Variants in TMED5 observed in about 807,000 individuals in gnomAD.
TMED5 encodes the protein transmembrane emp24 domain-containing protein 5.
TMED5 carries 27 observed loss-of-function variants against 23.0 expected under a neutral mutation model. That is an observed-to-expected ratio of 1.17 (90% confidence interval 0.86 to 1.62). The LOEUF is 1.62. Ranked by LOEUF, TMED5 falls within the 40% of genes most tolerant of loss-of-function variation. The probability of loss-of-function intolerance (pLI) is 0.00; values close to 1 mark genes in which losing one functional copy is unlikely to be tolerated. For missense variants in TMED5, 248 were observed against 273.7 expected (o/e 0.91, Z 0.66); for synonymous variants, 97 against 100.8 (o/e 0.96, Z 0.23).
chr1:93,154,904 A>ATAATT lies in TMED5; in HGVS notation c.472-21_472-17dup. The stretch of plus-strand genomic sequence containing the variant: ...TGATGGATTCCTGGAGATAAATAAA[A>ATAATT]TAATTTTATTATTAAAGAATGCTCA... On this transcript the variant is annotated splice_polypyrimidine_tract_variant and intron_variant, in intron 3 of 3. Coordinates refer to ENST00000370282, the MANE Select transcript of TMED5 (RefSeq NM_016040.5). 1 of 1,515,890 alleles carries ATAATT rather than the reference A, an allele frequency of 6.6e-7. No individual in the cohort carries two copies. Among genetic ancestry groups the ATAATT allele is most frequent in the Non-Finnish European group, 9.0e-7 (1 of 1,110,068 alleles). 93.9% of individuals were successfully genotyped at this position (1,515,890 alleles called of 1,614,324 possible). A position where few individuals can be genotyped will look rare whatever the true frequency, so the allele number is the denominator to read the frequency against.
chr1:93,169,774 G>T (rs2783493), intron 1 of TMED5, among the ~76,000 whole-genome samples: 3 of 151,882 alleles, frequency 2.0e-5, no homozygotes, highest in African/African-American at 7.3e-5. Flanking sequence ...ATGGCCAGGC[G>T]TGGTGGCCAA....
intron 1 of TMED5, among the ~76,000 whole-genome samples, chr1:93,176,367 T>C (rs1648912911): frequency 1.3e-5 from 2 of 152,172 alleles, no homozygotes; most frequent in Non-Finnish European, 2.9e-5. Flanking sequence ...TGTCTTTCAA[T>C]TTCCAGATAA....
intron 3 of TMED5, 42 bp from the exon 4 acceptor site, chr1:93,154,930 G>A (rs1214161406): frequency 7.2e-7 from 1 of 1,396,668 alleles, no homozygotes; most frequent in Non-Finnish European, 9.9e-7. Flanking sequence ...AGAATGCTCA[G>A]AAATTTTAAC....
Position 93,154,746 on chromosome 1 carries a change from A to T in TMED5, c.614T>A (p.Val205Asp). 1 of 1,614,080 alleles carries T rather than the reference A, an allele frequency of 6.2e-7. No individual in the cohort carries two copies. The highest frequency in any genetic ancestry group is 1.7e-5 in the Admixed American group (1 of 60,004). Residue 205 changes from valine to aspartate, a missense_variant, in exon 4 of 4, where the codon GTC (valine) becomes GAC (aspartate). Coordinates refer to ENST00000370282, the MANE Select transcript of TMED5 (RefSeq NM_016040.5). ...TTGAATGGCTGACACCACCACCATG[A>T]CCACTAAATTAACCATAGACCAGAA... ...VNFWSMVNLV[V>D]MVVVSAIQVY...
At position 93,154,832 on chromosome 1, in the gene TMED5, CAG is replaced by C. The variant is rs1447112827; in HGVS notation, c.526_527del (p.Leu176AlafsTer2). ...RLSKSGHIQTLLRAFEARDRN... is the reference protein window; with the variant it reads ...RLSKSGHIQTXLRAFEARDRN... ...GATCACGAGCTTCAAATGCTCTAAG[CAG>C]AGTTTGTATGTGCCCACTTTTGCTT... On this transcript the variant is annotated frameshift_variant, in exon 4 of 4. Transcript: ENST00000370282. LOFTEE classifies it high-confidence loss of function. 1.2e-6 allele frequency: 2 copies of C among 1,614,038 alleles called. No individual in the cohort carries two copies. Among genetic ancestry groups the C allele is most frequent in the East Asian group, 4.5e-5 (2 of 44,882 alleles).
At chr1:93,180,010 C>T (rs1331158732) in intron 1 of TMED5, 44 bp downstream of exon 1, 2 of 1,580,500 alleles carry the variant, frequency 1.3e-6, no homozygotes, top group Non-Finnish European at 1.7e-6. Flanking sequence ...CAACGCAGTG[C>T]AGCTGGGTTA....
chr1:93,170,242 CCCTCAGCTTG>C (rs1230551061), intron 1 of TMED5, among the ~76,000 whole-genome samples: 2 of 152,226 alleles, frequency 1.3e-5, no homozygotes, highest in Admixed American at 6.5e-5. Flanking sequence ...GCAGCCGGCT[CCCTCAGCTTG>C]CCGGGAGGTG....
intron 1 of TMED5, among the ~76,000 whole-genome samples, chr1:93,167,355 G>T (rs1015996575): frequency 2.0e-5 from 3 of 152,132 alleles, no homozygotes; most frequent in African/African-American, 7.2e-5. Context: ...GCTTTGGGTA[G>T]TATGGACATT....
intron 1 of TMED5, among the ~76,000 whole-genome samples, chr1:93,175,121 T>C (rs1029934827): frequency 1.4e-5 from 2 of 142,712 alleles, no homozygotes; most frequent in African/African-American, 5.4e-5. Context: ...TATATTATTC[T>C]CCCCAAAACC....
intron 3 of TMED5, 39 bp downstream of exon 3, chr1:93,156,261 C>T (rs2101125995): frequency 1.3e-6 from 2 of 1,554,222 alleles, no homozygotes; most frequent in Non-Finnish European, 1.8e-6. Context: ...AGGCCTCTGG[C>T]TGTTAATAAT....
At chr1:93,169,882 T>TACACACACAC (rs59467244) in intron 1 of TMED5, among the ~76,000 whole-genome samples, 25,724 of 130,264 alleles carry the variant, frequency 0.2, 2,808 homozygotes, top group South Asian at 0.25. Flanking sequence ...ACCCTGTCTG[T>TACACACACAC]ACACACACAC....
At chr1:93,161,098 T>C (rs913541196) in intron 1 of TMED5, 7 of 152,156 alleles carry the variant, frequency 4.6e-5, no homozygotes, top group Non-Finnish European at 8.8e-5. Context: ...TCTATGAAGA[T>C]GATGATGATA....
intron 2 of TMED5, 75 bp downstream of exon 2, chr1:93,160,054 G>A: frequency 1.2e-6 from 1 of 821,722 alleles, no homozygotes; most frequent in Non-Finnish European, 2.1e-6. Flanking sequence ...TATCAAATGT[G>A]CTAACTTTCC....
At chr1:93,176,701 CTTTAT>C (rs1301225773) in intron 1 of TMED5, among the ~76,000 whole-genome samples, 3 of 152,024 alleles carry the variant, frequency 2.0e-5, no homozygotes, top group Non-Finnish European at 2.9e-5. Context: ...GCCTGGCTAA[CTTTAT>C]TTTTGGTAGA....
At chr1:93,155,437 AG>A (rs1228553218) in intron 3 of TMED5, among the ~76,000 whole-genome samples, 1 of 152,026 alleles carries the variant, frequency 6.6e-6, no homozygotes, top group East Asian at 1.9e-4. Flanking sequence ...AATTGAAAAT[AG>A]GTAACATGAA....
chr1:93,172,328 T>A (rs1350735590), intron 1 of TMED5, among the ~76,000 whole-genome samples: 1 of 151,948 alleles, frequency 6.6e-6, no homozygotes, highest in African/African-American at 2.4e-5. Flanking sequence ...AAAAAACCCG[T>A]CCCGGAACTA....
At position 93,154,042 on chromosome 1, in the gene TMED5, A is replaced by G. The variant is rs1557570458; in HGVS notation, c.*628T>C. 6.6e-6 allele frequency: 1 copy of G among 152,604 alleles called. No homozygotes were observed. The highest frequency in any genetic ancestry group is 1.5e-5 in the Non-Finnish European group (1 of 67,998). The allele number at this position is 152,604 out of a possible 1,614,324, so 9.5% of individuals were successfully genotyped here. A position where few individuals can be genotyped will look rare whatever the true frequency, so the allele number is the denominator to read the frequency against. On this transcript the variant is annotated 3_prime_UTR_variant, in exon 4 of 4. Transcript: ENST00000370282. ...ATCGTGAAAATGTCAGCTTTTGGGA[A>G]TGTAAGCAAAGTACAAAGACTAATG...
chr1:93,156,825 A>T (rs11164875), intron 2 of TMED5, among the ~76,000 whole-genome samples: 2 of 151,124 alleles, frequency 1.3e-5, no homozygotes, highest in African/African-American at 2.4e-5. Context: ...AAAAAAAAAA[A>T]AAAGAAACCA....
At position 93,162,723 on chromosome 1, in the gene TMED5, T is replaced by G. The variant is rs916762089; in HGVS notation, c.190-2497A>C. ...TGAAAAAAGACCATAAAATATGGAG[T>G]TTTCCAAAGGATTTAAAAAGTACAA... On this transcript the variant is annotated intron_variant, in intron 1 of 3. Transcript: ENST00000370282. The G allele has an allele frequency of 3.3e-5, 5 of 151,166 alleles. No individual in the cohort carries two copies. The East Asian group carries it at 5.8e-4, about 18-fold the overall frequency. The allele number at this position is 151,166 out of a possible 1,614,324, so 9.4% of individuals were successfully genotyped here. A position where few individuals can be genotyped will look rare whatever the true frequency, so the allele number is the denominator to read the frequency against.
Sources: allele counts gnomAD v4.1 joint callset (sites outside exome capture counted in the v4.1 genomes callset), GRCh38; gene constraint gnomAD v4.1.1; transcripts MANE v1.5; gene names NCBI Gene and HGNC (gene_info 2026-07-23, HGNC 2026-07-21).